The following CDH13 variants were observed in gnomAD, a reference collection of about 807,000 sequenced individuals.
CDH13 encodes cadherin 13.
CDH13 carries 24 observed loss-of-function variants against 63.8 expected under a neutral mutation model. That is an observed-to-expected ratio of 0.38 (90% CI 0.27 to 0.53). The LOEUF is 0.53. Ranked by LOEUF, CDH13 falls within the 20% of genes least tolerant of loss-of-function variation. CDH13 has a pLI of 0.85. For synonymous variants in CDH13, 503 were observed against 355.3 expected (o/e 1.42, Z -4.67); for missense variants, 1,049 against 903.1 (o/e 1.16, Z -2.07).
chr16:83,430,339 C>G (rs1313455378), intron 6 of CDH13, among the ~76,000 whole-genome samples: 1 of 152,178 alleles, frequency 6.6e-6, no homozygotes, highest in Non-Finnish European at 1.5e-5. Context: ...CATACTCCCA[C>G]ACAGCATTGA....
At chr16:82,982,203 C>A (rs957377791) in intron 2 of CDH13, among the ~76,000 whole-genome samples, 1 of 151,862 alleles carries the variant, frequency 6.6e-6, no homozygotes, top group African/African-American at 2.4e-5. Context: ...TCATATAAAC[C>A]AATTTCACAA....
rs1363388382 is a variant in CDH13, at chr16:83,795,980, A to G, written c.*950A>G. On this transcript the variant is annotated 3_prime_UTR_variant, in exon 14 of 14. Transcript: ENST00000567109. ...TACAGGTACCATCTTGTATACACAT[A>G]TATACCCACATGTACAGACATACAT... The G allele has an allele frequency of 3.3e-5, 5 of 152,664 alleles. No individual in the cohort carries two copies. Among genetic ancestry groups the G allele is most frequent in the African/African-American group, 1.2e-4 (5 of 41,452 alleles). The allele number at this position is 152,664 out of a possible 1,614,324, so 9.5% of individuals were successfully genotyped here.
chr16:83,076,283 A>T (rs1457885418), intron 3 of CDH13, among the ~76,000 whole-genome samples: 2 of 152,190 alleles, frequency 1.3e-5, no homozygotes, highest in Non-Finnish European at 1.5e-5. Flanking sequence ...ATGTAAAACT[A>T]GGAAATGACT....
intron 2 of CDH13, among the ~76,000 whole-genome samples, chr16:82,966,176 A>C (rs1360371983): frequency 6.6e-6 from 1 of 151,988 alleles, no homozygotes; most frequent in Non-Finnish European, 1.5e-5. Context: ...TGAGACAAAG[A>C]CTCGGTCTGT....
chr16:82,849,288 G>C (rs998539521), intron 1 of CDH13, among the ~76,000 whole-genome samples: 1 of 152,074 alleles, frequency 6.6e-6, no homozygotes, highest in African/African-American at 2.4e-5. Flanking sequence ...TGGATCACGA[G>C]GTCAGGAGAG....
At chr16:83,785,017 G>T (rs763726712) in intron 13 of CDH13, among the ~76,000 whole-genome samples, 2 of 152,236 alleles carry the variant, frequency 1.3e-5, no homozygotes, top group African/African-American at 2.4e-5. Flanking sequence ...CTGTAAAGCA[G>T]AGACAATTTC....
intron 6 of CDH13, among the ~76,000 whole-genome samples, chr16:83,475,345 C>G (rs984085492): frequency 3.3e-5 from 5 of 152,140 alleles, no homozygotes; most frequent in East Asian, 1.9e-4. Context: ...GTTTGCAACT[C>G]TCTGCCGCTC....
chr16:82,822,828 A>G (rs2038065972), intron 1 of CDH13, among the ~76,000 whole-genome samples: 1 of 152,212 alleles, frequency 6.6e-6, no homozygotes, highest in African/African-American at 2.4e-5. Flanking sequence ...TAGTGCCTTA[A>G]AATGTCAACA....
chr16:83,472,905 G>T (rs1456367542), intron 6 of CDH13, among the ~76,000 whole-genome samples: 3 of 152,128 alleles, frequency 2.0e-5, no homozygotes, highest in Admixed American at 2.0e-4. Context: ...TCCCTTGAGT[G>T]GTGGCCTGAT....
At chr16:83,254,949 C>G (rs1906031737) in intron 5 of CDH13, among the ~76,000 whole-genome samples, 1 of 6,728 alleles carries the variant, frequency 1.5e-4, no homozygotes, top group Admixed American at 2.6e-3. Context: ...TTTTCTTTTT[C>G]TCTTTCTTTC....
chr16:82,772,966 C>T (rs897453224), intron 1 of CDH13, among the ~76,000 whole-genome samples: 2 of 152,106 alleles, frequency 1.3e-5, no homozygotes, highest in African/African-American at 4.8e-5. Context: ...TAGGCTTAAC[C>T]ATCTGGTTAT....
At chr16:82,878,038 A>G (rs952939505) in intron 2 of CDH13, among the ~76,000 whole-genome samples, 7 of 152,060 alleles carry the variant, frequency 4.6e-5, no homozygotes, top group African/African-American at 1.7e-4. Flanking sequence ...ATATAGTAAA[A>G]TGTTTGAAAA....
intron 4 of CDH13, among the ~76,000 whole-genome samples, chr16:83,176,163 T>C (rs573079449): frequency 6.6e-6 from 1 of 151,962 alleles, no homozygotes; most frequent in East Asian, 2.0e-4. Flanking sequence ...ACCTACTTTT[T>C]AAATTAATAT....
intron 2 of CDH13, among the ~76,000 whole-genome samples, chr16:82,986,669 A>G (rs1044177693): frequency 2.6e-5 from 4 of 152,166 alleles, no homozygotes; most frequent in African/African-American, 7.2e-5. Context: ...GGCAAGTCCA[A>G]CCACACAAAC....
intron 7 of CDH13, among the ~76,000 whole-genome samples, chr16:83,513,348 C>T (rs1351811862): frequency 2.6e-5 from 4 of 152,102 alleles, no homozygotes; most frequent in Non-Finnish European, 2.9e-5. Flanking sequence ...AATATTAGAA[C>T]GTCCTTAGAT....
intron 4 of CDH13, among the ~76,000 whole-genome samples, chr16:83,161,682 GAATCACCCACCATGGTTCTCT>G (rs2037452283): frequency 6.6e-6 from 1 of 152,042 alleles, no homozygotes; most frequent in African/African-American, 2.4e-5. Context: ...TAGAGTTAAA[GAATCACCCACCATGGTTCTCT>G]TTCTTATCCA....
intron 6 of CDH13, among the ~76,000 whole-genome samples, chr16:83,415,974 C>T (rs114089013): frequency 0.012 from 1,861 of 152,100 alleles, 39 homozygotes; most frequent in African/African-American, 0.042. Flanking sequence ...GGTTTGTAGA[C>T]AAAATGATCT....
chr16:82,731,633 G>A (rs2033407749), intron 1 of CDH13, among the ~76,000 whole-genome samples: 1 of 152,320 alleles, frequency 6.6e-6, no homozygotes, highest in Admixed American at 6.5e-5. Flanking sequence ...AATCAACATT[G>A]ATATGGGAAC....
intron 1 of CDH13, among the ~76,000 whole-genome samples, chr16:82,665,133 T>C (rs1426080446): frequency 6.6e-6 from 1 of 152,210 alleles, no homozygotes; most frequent in African/African-American, 2.4e-5. Flanking sequence ...TTAGCTTTCA[T>C]ACTACAAACA....
Sources: gnomAD v4.1 joint callset for allele counts (sites outside exome capture counted in the v4.1 genomes callset) on GRCh38, gnomAD v4.1.1 for gene constraint, MANE v1.5 for transcripts, NCBI Gene and HGNC (gene_info 2026-07-23, HGNC 2026-07-21) for gene names.